Variants in ESYT3 observed in about 807,000 individuals in gnomAD.
ESYT3 encodes the protein extended synaptotagmin 3, also known as extended synaptotagmin-3.
A neutral mutation model predicts 111.5 loss-of-function variants in ESYT3; 101 were observed. The ratio of observed to expected loss-of-function variants is 0.91; its 90% CI spans 0.77 to 1.07. The LOEUF (loss-of-function observed/expected upper bound fraction) is 1.07, where lower values mean the gene tolerates loss of function less well. Among genes scored for constraint, ESYT3 ranks in the 50% least tolerant of loss-of-function variants. The pLI is 0.00. For missense variants in ESYT3, 1,097 were observed against 1,109.4 expected (o/e 0.99, Z 0.16); for synonymous variants, 416 against 446.8 (o/e 0.93, Z 0.87).
intron 3 of ESYT3, among the ~76,000 whole-genome samples, chr3:138,456,219 A>T (rs2032269071): frequency 6.6e-6 from 1 of 152,186 alleles, no homozygotes; most frequent in Non-Finnish European, 1.5e-5. Flanking sequence ...TTCACCTGTG[A>T]CTTATTGAGC....
chr3:138,460,700 A>G (rs745645153), intron 7 of ESYT3, 34 bp downstream of exon 7: 1 of 1,611,082 alleles, frequency 6.2e-7, no homozygotes, highest in East Asian at 2.2e-5. Flanking sequence ...GGGAGATCAT[A>G]AGTTTGGGGG....
chr3:138,451,076 G>A (rs1311042267), intron 1 of ESYT3, among the ~76,000 whole-genome samples: 3 of 152,258 alleles, frequency 2.0e-5, no homozygotes, highest in Non-Finnish European at 4.4e-5. Context: ...TCAGCAGACA[G>A]ATGCAGAGAC....
At position 138,470,678 on chromosome 3, in the gene ESYT3, C is replaced by T. The variant is rs1027316385; in HGVS notation, c.1591-199C>T. The stretch of plus-strand genomic sequence containing the variant: ...CTCATACAGATCATAATTGCCTCTA[C>T]TCTGAGTCACTATCTTCCCTGACAG... On this transcript the variant is annotated intron_variant, in intron 16 of 22. Transcript: ENST00000389567. The T allele has an allele frequency of 3.8e-5, 54 of 1,404,294 alleles. No homozygotes were observed. In the African/African-American group the frequency reaches 5.3e-4, roughly 14 times the overall value. 87.0% of individuals were successfully genotyped at this position (1,404,294 alleles called of 1,614,324 possible).
rs1216507736 is a variant in ESYT3, at chr3:138,476,275, G to T, written c.2521G>T (p.Ala841Ser). 1.2e-6 allele frequency: 2 copies of T among 1,614,044 alleles called. No homozygotes were observed. Among genetic ancestry groups the T allele is most frequent in the South Asian group, 1.1e-5 (1 of 91,080 alleles). ...EEVKKRSLDV[A>S]VKNSRPLGSH... is the part of the protein sequence containing the mutation. ...AGTAAAGAAGAGGTCACTAGATGTTGCAGTGAAAAATAGTAGGCCACTTGG... is the reference window on the plus strand; with the variant it reads ...AGTAAAGAAGAGGTCACTAGATGTTTCAGTGAAAAATAGTAGGCCACTTGG... Residue 841 changes from alanine to serine, a missense_variant, in exon 21 of 23, where the codon GCA (alanine) becomes TCA (serine). By Grantham distance (99) the Ala-to-Ser change is moderately conservative (BLOSUM62 1). Transcript: ENST00000389567.
In ESYT3 at chr3:138,457,699, C is replaced by A. The variant is rs2032377834; in HGVS notation, c.581+55C>A. 7.1e-6 allele frequency: 11 copies of A among 1,540,660 alleles called. No homozygotes were observed. The South Asian group carries it at 1.1e-4, about 16-fold the overall frequency. On this transcript the variant is annotated intron_variant, in intron 4 of 22. Coordinates refer to ENST00000389567, the MANE Select transcript of ESYT3 (RefSeq NM_031913.5). Reference sequence around the variant, plus strand: ...CGGGGTGCAGGGGACACAGTGGGAACAGCCAGTTTGAAGATGGAGTAGTAT... The same window carrying A: ...CGGGGTGCAGGGGACACAGTGGGAAAAGCCAGTTTGAAGATGGAGTAGTAT...
At chr3:138,471,916 A>G (rs1421934173) in intron 17 of ESYT3, among the ~76,000 whole-genome samples, 1 of 152,202 alleles carries the variant, frequency 6.6e-6, no homozygotes, top group East Asian at 1.9e-4. Flanking sequence ...GGCTGTGGCA[A>G]ACACATGTTC....
chr3:138,470,590 C>T (rs889860855), intron 16 of ESYT3: 22 of 1,197,958 alleles, frequency 1.8e-5, no homozygotes, highest in Admixed American at 3.9e-5. Context: ...TGAGCCCTGC[C>T]TGGAGAGCAG....
chr3:138,435,107 C>T lies in ESYT3; in HGVS notation c.309C>T (p.Gly103=). ...EREFISRELR[G]QHLPAWIHFP... ...AGTTCATCAGCCGCGAGCTGCGGGG[C>T]CAGCACCTGCCAGCCTGGGTGAGCC... The change falls in exon 1 of 23, where the codon GGC becomes GGT. Residue 103 remains glycine (G), a synonymous_variant. Transcript: ENST00000389567. The surrounding 1 kb of genome is among the most constrained non-coding windows in gnomAD (Gnocchi z 4.8). 2 of 1,584,240 alleles carry T rather than the reference C, an allele frequency of 1.3e-6. No homozygotes were observed. Among genetic ancestry groups the T allele is most frequent in the African/African-American group, 1.3e-5 (1 of 74,828 alleles).
At chr3:138,442,377 A>G (rs945771440) in intron 1 of ESYT3, among the ~76,000 whole-genome samples, 1 of 152,226 alleles carries the variant, frequency 6.6e-6, no homozygotes, top group Admixed American at 6.5e-5. Context: ...TATCCTTCAT[A>G]TGAATATACC....
At chr3:138,467,072 A>G (rs9848938) in intron 10 of ESYT3, among the ~76,000 whole-genome samples, 92,967 of 151,974 alleles carry the variant, frequency 0.61, 30,631 homozygotes, top group Admixed American at 0.75. Flanking sequence ...TCCAAACTAC[A>G]TCACATGCCA....
Position 138,459,169 on chromosome 3 carries a change from T to C in ESYT3, c.582-18T>C, listed in dbSNP as rs2032472101. On this transcript the variant is annotated intron_variant, in intron 4 of 22. Coordinates refer to ENST00000389567, the MANE Select transcript of ESYT3 (RefSeq NM_031913.5). ...CCTACCCCTCCTCCCCACCTTCCTTTTCCACCCCCCATTTCAGCTACATCG... is the reference window on the plus strand; with the variant it reads ...CCTACCCCTCCTCCCCACCTTCCTTCTCCACCCCCCATTTCAGCTACATCG... 3.4e-6 allele frequency: 5 copies of C among 1,490,678 alleles called. No homozygotes were observed. The highest frequency in any genetic ancestry group is 4.5e-6 in the Non-Finnish European group (5 of 1,108,712). The allele number at this position is 1,490,678 out of a possible 1,614,324, so 92.3% of individuals were successfully genotyped here.
chr3:138,460,748 ATGG>A lies in ESYT3; in HGVS notation c.794+88_794+90del, dbSNP rs1489206839. ...TGCAGCCAGTGACAGGAGCTGTGCA[ATGG>A]TGGTGCTTTCCCTCCTGGTGCTCTC... is the stretch of plus-strand genomic sequence containing the variant. On this transcript the variant is annotated intron_variant, in intron 7 of 22. Transcript: ENST00000389567. 4.2e-6 allele frequency: 6 copies of A among 1,417,568 alleles called. No individual in the cohort carries two copies. In the East Asian group the frequency reaches 1.4e-4, roughly 33 times the overall value. The allele number at this position is 1,417,568 out of a possible 1,614,324, so 87.8% of individuals were successfully genotyped here.
intron 5 of ESYT3, 69 bp from the exon 6 acceptor site, chr3:138,459,876 C>T (rs2032523683): frequency 7.0e-7 from 1 of 1,418,960 alleles, no homozygotes; most frequent in Non-Finnish European, 9.8e-7. Flanking sequence ...CAGATGGCCT[C>T]AGCTGAGCCC....
intron 1 of ESYT3, among the ~76,000 whole-genome samples, chr3:138,439,475 T>G (rs768532643): frequency 6.6e-6 from 1 of 152,148 alleles, no homozygotes; most frequent in African/African-American, 2.4e-5. Flanking sequence ...TGCTCTGGGC[T>G]CCTAAGACCC....
chr3:138,464,565 C>T, intron 9 of ESYT3, 50 bp downstream of exon 9: 1 of 1,597,754 alleles, frequency 6.3e-7, no homozygotes, highest in Non-Finnish European at 8.6e-7. Flanking sequence ...TCATGCTGGG[C>T]AGAGGCAATC....
At chr3:138,472,914 G>A (rs550138097) in intron 18 of ESYT3, 55 bp downstream of exon 18, 57 of 1,553,316 alleles carry the variant, frequency 3.7e-5, no homozygotes, top group African/African-American at 2.1e-4. Context: ...AAAATACCTC[G>A]CTGGATGGAA....
chr3:138,470,299 T>G, intron 16 of ESYT3, 153 bp downstream of exon 16: 4 of 1,366,246 alleles, frequency 2.9e-6, no homozygotes, highest in Non-Finnish European at 3.8e-6. Flanking sequence ...CCACAAGGCC[T>G]CATCTCCTTA....
In ESYT3 at chr3:138,435,169, C is replaced by A; in HGVS notation, c.327+44C>A. 6.7e-7 allele frequency: 1 copy of A among 1,490,850 alleles called. No individual in the cohort carries two copies. Among genetic ancestry groups the A allele is most frequent in the South Asian group, 1.3e-5 (1 of 76,072 alleles). The allele number at this position is 1,490,850 out of a possible 1,614,324, so 92.4% of individuals were successfully genotyped here. ...GAGTGGGAGGTGGGGAGATGCCTTTCGAGGTTCGGAGGAACTTGCGGTCAG... is the reference window on the plus strand; with the variant it reads ...GAGTGGGAGGTGGGGAGATGCCTTTAGAGGTTCGGAGGAACTTGCGGTCAG... On this transcript the variant is annotated intron_variant, in intron 1 of 22. Coordinates refer to ENST00000389567, the MANE Select transcript of ESYT3 (RefSeq NM_031913.5). The surrounding 1 kb of genome is among the most constrained non-coding windows in gnomAD (Gnocchi z 4.8).
rs1285739696 is a variant in ESYT3, at chr3:138,434,663, C to A, written c.-136C>A. On this transcript the variant is annotated 5_prime_UTR_variant, in exon 1 of 23. Transcript: ENST00000389567. ...GTCGCAGAGAACCCTGAGCTCGGCG[C>A]GCCGAGAGTCCCAGCAGGGCAAGGG... is the stretch of plus-strand genomic sequence containing the variant. The A allele has an allele frequency of 2.5e-6, 2 of 784,466 alleles. No homozygotes were observed. Among genetic ancestry groups the A allele is most frequent in the African/African-American group, 1.8e-5 (1 of 54,722 alleles). 48.6% of individuals were successfully genotyped at this position (784,466 alleles called of 1,614,324 possible).
Sources: gnomAD v4.1 joint callset for allele counts (sites outside exome capture counted in the v4.1 genomes callset) on GRCh38, gnomAD v4.1.1 for gene constraint, Gnocchi (gnomAD v3.1) non-coding constraint, MANE v1.5 for transcripts, NCBI Gene and HGNC (gene_info 2026-07-23, HGNC 2026-07-21) for gene names.